The following CALD1 variants were observed in gnomAD, a reference collection of about 807,000 sequenced individuals.
The protein encoded by CALD1 is caldesmon 1.
Under a neutral mutation model 99.9 loss-of-function variants are expected in CALD1, and 33 were observed. The ratio of observed to expected loss-of-function variants is 0.33; its 90% CI spans 0.25 to 0.44. The LOEUF is 0.44. Ranked by LOEUF, CALD1 falls within the 20% of genes least tolerant of loss-of-function variation. The probability of loss-of-function intolerance (pLI) is 1.00; values close to 1 mark genes in which losing one functional copy is unlikely to be tolerated. For synonymous variants in CALD1, 310 were observed against 325.0 expected (o/e 0.95, Z 0.50); for missense variants, 861 against 962.1 (o/e 0.89, Z 1.39).
the CALD1 span, among the ~76,000 whole-genome samples, chr7:134,733,130 G>A: frequency 6.1e-4 from 93 of 152,288 alleles, 1 homozygote; most frequent in African/African-American, 1.4e-3. Flanking sequence ...GGGAAGGAGC[G>A]GCAGATAGGA....
chr7:134,770,952 C>T (rs1381260998), intron 1 of CALD1, among the ~76,000 whole-genome samples: 4 of 152,294 alleles, frequency 2.6e-5, no homozygotes, highest in Non-Finnish European at 2.9e-5. Context: ...GGAAGTGAAT[C>T]GGGTAACAAT....
chr7:134,735,023 C>T, the CALD1 span: 6 of 249,356 alleles, frequency 2.4e-5, no homozygotes, highest in African/African-American at 9.1e-5. Context: ...AACTCCATCT[C>T]GTCCATGCCC....
chr7:134,877,606 A>C (rs564639687), intron 3 of CALD1, among the ~76,000 whole-genome samples: 1 of 152,326 alleles, frequency 6.6e-6, no homozygotes, highest in African/African-American at 2.4e-5. Context: ...TCTGTGCTAA[A>C]CATGTACATA....
chr7:134,907,668 A>T (rs1251189961), intron 3 of CALD1, among the ~76,000 whole-genome samples: 1 of 151,576 alleles, frequency 6.6e-6, no homozygotes, highest in African/African-American at 2.4e-5. Context: ...TTTGGACTTT[A>T]AAAAAAAATT....
intron 1 of CALD1, among the ~76,000 whole-genome samples, chr7:134,797,866 A>G (rs538540435): frequency 6.6e-6 from 1 of 152,298 alleles, no homozygotes; most frequent in East Asian, 1.9e-4. Context: ...TGTTTGGATT[A>G]CAGGCGTGAG....
At chr7:134,828,616 G>C (rs1466749146) in intron 1 of CALD1, among the ~76,000 whole-genome samples, 1 of 152,066 alleles carries the variant, frequency 6.6e-6, no homozygotes, top group Non-Finnish European at 1.5e-5. Flanking sequence ...TAGACACTGG[G>C]CTTAATTTCA....
chr7:134,926,403 T>C (rs1805022122), intron 3 of CALD1, among the ~76,000 whole-genome samples: 1 of 152,198 alleles, frequency 6.6e-6, no homozygotes, highest in South Asian at 2.1e-4. Context: ...CCCCCCATAT[T>C]TGTGAAATAA....
intron 3 of CALD1, among the ~76,000 whole-genome samples, chr7:134,899,495 G>A (rs1318097836): frequency 1.3e-5 from 2 of 152,064 alleles, no homozygotes; most frequent in Non-Finnish European, 2.9e-5. Flanking sequence ...GAGTCACCGC[G>A]CCCAGCCAGA....
intron 2 of CALD1, among the ~76,000 whole-genome samples, chr7:134,847,124 C>T (rs1430770618): frequency 6.6e-6 from 1 of 152,170 alleles, no homozygotes; most frequent in Admixed American, 6.5e-5. Flanking sequence ...GTAAGCACTT[C>T]GAAGGCTTTG....
intron 1 of CALD1, among the ~76,000 whole-genome samples, chr7:134,758,501 G>GT (rs1796748464): frequency 2.1e-5 from 3 of 145,128 alleles, no homozygotes; most frequent in South Asian, 2.2e-4. Context: ...CTCCCATTGG[G>GT]GTGTGTGTGT....
chr7:134,909,678 C>A (rs1803656662), intron 3 of CALD1, among the ~76,000 whole-genome samples: 1 of 151,912 alleles, frequency 6.6e-6, no homozygotes, highest in African/African-American at 2.4e-5. Flanking sequence ...GTGACAAGAG[C>A]AAAACGCAGT....
At chr7:134,859,488 T>G (rs565578719) in intron 2 of CALD1, among the ~76,000 whole-genome samples, 2 of 152,214 alleles carry the variant, frequency 1.3e-5, no homozygotes, top group Non-Finnish European at 2.9e-5. Flanking sequence ...GAAAAGTATT[T>G]AAATGCTTGA....
At chr7:134,831,317 A>C (rs1799210069) in intron 1 of CALD1, among the ~76,000 whole-genome samples, 1 of 152,064 alleles carries the variant, frequency 6.6e-6, no homozygotes, top group East Asian at 1.9e-4. Flanking sequence ...TATTTTCTGC[A>C]TAATTTCTTT....
intron 1 of CALD1, among the ~76,000 whole-genome samples, chr7:134,793,893 G>A (rs1156589088): frequency 6.6e-6 from 1 of 151,042 alleles, no homozygotes; most frequent in African/African-American, 2.4e-5. Context: ...ATGTGTTCTT[G>A]TATTTCTGTC....
At chr7:134,869,689 A>G (rs966031721) in intron 3 of CALD1, among the ~76,000 whole-genome samples, 10 of 152,200 alleles carry the variant, frequency 6.6e-5, no homozygotes, top group Admixed American at 4.6e-4. Context: ...ACCACATCCA[A>G]AAGGGGATTT....
intron 8 of CALD1, among the ~76,000 whole-genome samples, chr7:134,948,569 A>G (rs1807092596): frequency 1.3e-5 from 2 of 152,162 alleles, no homozygotes; most frequent in African/African-American, 4.8e-5. Context: ...TGAGTGACTT[A>G]TTTGAAGATT....
chr7:134,853,087 T>C (rs1800146975), intron 2 of CALD1, among the ~76,000 whole-genome samples: 1 of 152,210 alleles, frequency 6.6e-6, no homozygotes, highest in Admixed American at 6.5e-5. Flanking sequence ...GCCTCCCACC[T>C]TAGCTGCATG....
At chr7:134,814,039 T>C (rs1350581567) in intron 1 of CALD1, among the ~76,000 whole-genome samples, 1 of 151,892 alleles carries the variant, frequency 6.6e-6, no homozygotes, top group Non-Finnish European at 1.5e-5. Context: ...TTGGAAAGAG[T>C]TAAAACCAGG....
chr7:134,864,332 A>T (rs1209573847), intron 2 of CALD1, among the ~76,000 whole-genome samples: 2 of 127,026 alleles, frequency 1.6e-5, no homozygotes, highest in Non-Finnish European at 3.2e-5. Flanking sequence ...GGGTGACAAG[A>T]GTGAAACTCC....
Sources: gnomAD v4.1 joint callset for allele counts (sites outside exome capture counted in the v4.1 genomes callset) on GRCh38, gnomAD v4.1.1 for gene constraint, MANE v1.5 for transcripts, NCBI Gene and HGNC (gene_info 2026-07-23, HGNC 2026-07-21) for gene names.